Variants in SAMD12 observed in about 807,000 individuals in gnomAD.
SAMD12 encodes the protein sterile alpha motif domain-containing protein 12.
A neutral mutation model predicts 15.0 loss-of-function variants in SAMD12; 9 were observed. The ratio of observed to expected loss-of-function variants is 0.60; its 90% CI spans 0.36 to 1.05. SAMD12 has a LOEUF of 1.05. Ranked by LOEUF, SAMD12 falls within the 50% of genes least tolerant of loss-of-function variation. The probability of loss-of-function intolerance (pLI) is 0.01; values close to 1 mark genes in which losing one functional copy is unlikely to be tolerated. For synonymous variants in SAMD12, 86 were observed against 90.1 expected (o/e 0.96, Z 0.25); for missense variants, 230 against 234.2 (o/e 0.98, Z 0.12).
At chr8:118,298,680 T>C (rs903343876) in intron 4 of SAMD12, among the ~76,000 whole-genome samples, 1 of 152,188 alleles carries the variant, frequency 6.6e-6, no homozygotes, top group Non-Finnish European at 1.5e-5. Context: ...GATTTAGGCA[T>C]AGAGATGTTC....
chr8:118,473,389 T>C (rs1438092100), intron 2 of SAMD12, among the ~76,000 whole-genome samples: 2 of 152,202 alleles, frequency 1.3e-5, no homozygotes, highest in African/African-American at 2.4e-5. Flanking sequence ...AAGAAAATGT[T>C]CTGTGCACTC....
At chr8:118,602,493 T>C (rs1016771420) in intron 1 of SAMD12, among the ~76,000 whole-genome samples, 1 of 152,220 alleles carries the variant, frequency 6.6e-6, no homozygotes, top group South Asian at 2.1e-4. Flanking sequence ...CTAATCTACA[T>C]TTCAACTGCT....
At chr8:118,254,424 G>A (rs145227827) in intron 4 of SAMD12, among the ~76,000 whole-genome samples, 11 of 152,170 alleles carry the variant, frequency 7.2e-5, no homozygotes, top group Non-Finnish European at 1.2e-4. Flanking sequence ...GATTCATGCC[G>A]CGTAGAAAGA....
intron 4 of SAMD12, among the ~76,000 whole-genome samples, chr8:118,202,561 T>C (rs1244662583): frequency 6.6e-6 from 1 of 152,226 alleles, no homozygotes; most frequent in Non-Finnish European, 1.5e-5. Flanking sequence ...GGATGGATTA[T>C]GTCCCGCCCC....
At chr8:118,581,071 T>A (rs1163757111) in intron 1 of SAMD12, among the ~76,000 whole-genome samples, 178 bp from the exon 2 acceptor site, 5 of 152,138 alleles carry the variant, frequency 3.3e-5, no homozygotes, top group Admixed American at 3.3e-4. Flanking sequence ...TGGGAAACCT[T>A]GAGCTTGGAA....
chr8:118,178,606 C>T, the SAMD12 span, among the ~76,000 whole-genome samples: 1 of 152,088 alleles, frequency 6.6e-6, no homozygotes, highest in African/African-American at 2.4e-5. Flanking sequence ...GCTGGGATTA[C>T]AGGCAAGCAC....
intron 4 of SAMD12, among the ~76,000 whole-genome samples, chr8:118,210,457 C>T (rs1043665277): frequency 3.3e-5 from 5 of 152,266 alleles, no homozygotes; most frequent in Non-Finnish European, 7.4e-5. Context: ...ATTCTTTGTA[C>T]ATCATTTGCG....
chr8:118,345,687 A>G (rs1319522713), intron 4 of SAMD12, among the ~76,000 whole-genome samples: 1 of 152,248 alleles, frequency 6.6e-6, no homozygotes, highest in Non-Finnish European at 1.5e-5. Flanking sequence ...AGTTAAACCA[A>G]CTAGTCCCTG....
chr8:118,191,793 TATATATA>T (rs1819397493), exon 5 of SAMD12: 1 of 53,494 alleles, frequency 1.9e-5, no homozygotes, highest in East Asian at 5.7e-4. Flanking sequence ...TATATATATA[TATATATA>T]TATATATATA....
At chr8:118,159,156 C>T in the SAMD12 span, among the ~76,000 whole-genome samples, 1 of 152,044 alleles carries the variant, frequency 6.6e-6, no homozygotes, top group Non-Finnish European at 1.5e-5. Flanking sequence ...CTTCAGGGAG[C>T]CCAGACCTAG....
chr8:118,432,162 A>T (rs1166572298), intron 3 of SAMD12, among the ~76,000 whole-genome samples: 1 of 152,214 alleles, frequency 6.6e-6, no homozygotes, highest in Non-Finnish European at 1.5e-5. Context: ...TACATTTTGC[A>T]TTAGTACCTT....
chr8:118,466,794 G>A (rs1823607465), intron 2 of SAMD12, among the ~76,000 whole-genome samples: 1 of 77,950 alleles, frequency 1.3e-5, no homozygotes, highest in African/African-American at 5.5e-5. Flanking sequence ...CAGTAATAGG[G>A]AGAGAGAGAA....
intron 4 of SAMD12, among the ~76,000 whole-genome samples, chr8:118,238,353 T>C (rs540847264): frequency 2.8e-4 from 42 of 152,290 alleles, no homozygotes; most frequent in African/African-American, 9.6e-4. Flanking sequence ...AATTAAAATT[T>C]ATCATTGTAA....
the SAMD12 span, among the ~76,000 whole-genome samples, chr8:118,132,019 G>A: frequency 6.6e-6 from 1 of 152,114 alleles, no homozygotes; most frequent in Admixed American, 6.5e-5. Context: ...ATTATCAAGT[G>A]ATAATCAATG....
At chr8:118,141,833 C>T in the SAMD12 span, among the ~76,000 whole-genome samples, 1 of 152,284 alleles carries the variant, frequency 6.6e-6, no homozygotes, top group South Asian at 2.1e-4. Flanking sequence ...ATCTTCAGAA[C>T]CAAATGCAGA....
intron 2 of SAMD12, among the ~76,000 whole-genome samples, chr8:118,524,705 A>C (rs1825485882): frequency 6.6e-6 from 1 of 152,178 alleles, no homozygotes. Flanking sequence ...TTCCTCCTGC[A>C]GTTCTTTGAC....
At chr8:118,495,513 T>C (rs1336751969) in intron 2 of SAMD12, among the ~76,000 whole-genome samples, 1 of 151,806 alleles carries the variant, frequency 6.6e-6, no homozygotes, top group Admixed American at 6.6e-5. Context: ...TGCATTTTGA[T>C]ACTACAGGAA....
chr8:118,309,485 A>AATTG (rs1204661718), intron 4 of SAMD12, among the ~76,000 whole-genome samples: 2 of 151,396 alleles, frequency 1.3e-5, no homozygotes, highest in Non-Finnish European at 2.9e-5. Flanking sequence ...TGCAATTGTG[A>AATTG]ATTGTGCTCT....
chr8:118,221,618 GTGT>G (rs150716066), intron 4 of SAMD12, among the ~76,000 whole-genome samples: 2,535 of 152,328 alleles, frequency 0.017, 51 homozygotes, highest in Admixed American at 0.024. Context: ...ACCTAATCTA[GTGT>G]TTGGAGCCAG....
Sources: allele counts gnomAD v4.1 joint callset (sites outside exome capture counted in the v4.1 genomes callset), GRCh38; gene constraint gnomAD v4.1.1; transcripts MANE v1.5; gene names NCBI Gene and HGNC (gene_info 2026-07-23, HGNC 2026-07-21).